NRG1: variants seen among roughly 807,000 people sequenced by gnomAD.
NRG1 encodes the protein neuregulin 1.
Under a neutral mutation model 63.8 loss-of-function variants are expected in NRG1, and 18 were observed. That is an observed-to-expected ratio of 0.28 (90% CI 0.19 to 0.42). The LOEUF (loss-of-function observed/expected upper bound fraction) is 0.42, where lower values mean the gene tolerates loss of function less well. Among genes scored for constraint, NRG1 ranks in the 10% least tolerant of loss-of-function variants. The pLI, the probability that NRG1 is intolerant of heterozygous loss-of-function variation, is 1.00. For missense variants in NRG1, 762 were observed against 814.7 expected (o/e 0.94, Z 0.79); for synonymous variants, 302 against 301.3 (o/e 1.00, Z -0.02).
At chr8:32,276,495 T>C (rs947451881) in intron 1 of NRG1, among the ~76,000 whole-genome samples, 3 of 152,096 alleles carry the variant, frequency 2.0e-5, no homozygotes, top group African/African-American at 7.2e-5. Context: ...ATGAGTGAAG[T>C]GGAAATTTTT....
At chr8:31,774,591 A>T (rs1818938772) in intron 1 of NRG1, among the ~76,000 whole-genome samples, 2 of 152,164 alleles carry the variant, frequency 1.3e-5, no homozygotes, top group African/African-American at 2.4e-5. Context: ...TCGGGATATT[A>T]ATCATTTGTT....
chr8:32,754,411 C>T (rs754614350), exon 8 of NRG1: 2 of 1,613,838 alleles, frequency 1.2e-6, no homozygotes, highest in East Asian at 4.5e-5. Flanking sequence ...CTGACCATAA[C>T]CGGCATCTGC....
intron 1 of NRG1, among the ~76,000 whole-genome samples, chr8:32,092,809 T>G (rs1829375902): frequency 6.6e-6 from 1 of 152,062 alleles, no homozygotes; most frequent in Admixed American, 6.6e-5. Flanking sequence ...CAGTGCACCA[T>G]GCATTGCAAC....
At chr8:32,108,163 G>A (rs985779073) in intron 1 of NRG1, among the ~76,000 whole-genome samples, 3 of 152,068 alleles carry the variant, frequency 2.0e-5, no homozygotes, top group Admixed American at 6.6e-5. Context: ...CCTCATCCCC[G>A]AAACCTGTCA....
intron 1 of NRG1, among the ~76,000 whole-genome samples, chr8:32,096,129 A>G (rs1157563352): frequency 6.6e-6 from 1 of 152,224 alleles, no homozygotes; most frequent in African/African-American, 2.4e-5. Flanking sequence ...GAGGGGTGGT[A>G]GTGAAAGGAG....
At chr8:32,305,438 T>A (rs887592798) in intron 1 of NRG1, among the ~76,000 whole-genome samples, 3 of 152,108 alleles carry the variant, frequency 2.0e-5, no homozygotes, top group Non-Finnish European at 4.4e-5. Context: ...AAAAATACAA[T>A]CTTCACTTTT....
intron 1 of NRG1, among the ~76,000 whole-genome samples, chr8:32,422,645 CAT>C (rs1306853819): frequency 6.6e-6 from 1 of 152,224 alleles, no homozygotes; most frequent in African/African-American, 2.4e-5. Flanking sequence ...CCCAAAGGGT[CAT>C]ATGAGATTAC....
At chr8:32,599,808 TC>T (rs1246349722) in intron 2 of NRG1, among the ~76,000 whole-genome samples, 1 of 152,192 alleles carries the variant, frequency 6.6e-6, no homozygotes, top group Non-Finnish European at 1.5e-5. Context: ...TTTGTATGTT[TC>T]ACACACTTTT....
intron 1 of NRG1, among the ~76,000 whole-genome samples, chr8:31,896,440 C>G (rs972704388): frequency 6.6e-6 from 1 of 152,174 alleles, no homozygotes; most frequent in East Asian, 1.9e-4. Flanking sequence ...TTTCTCACCT[C>G]TAAGCTTGTG....
At chr8:32,710,873 A>G (rs148249816) in intron 5 of NRG1, among the ~76,000 whole-genome samples, 2 of 152,344 alleles carry the variant, frequency 1.3e-5, no homozygotes, top group African/African-American at 2.4e-5. Flanking sequence ...ACTAGATAAT[A>G]TAGACAGAGC....
chr8:31,813,590 T>C (rs930481888), intron 1 of NRG1, among the ~76,000 whole-genome samples: 9 of 148,988 alleles, frequency 6.0e-5, no homozygotes, highest in Admixed American at 4.8e-4. Context: ...GGCACAATCA[T>C]GGCTTACTGC....
chr8:32,539,249 A>C (rs1408628889), intron 1 of NRG1, among the ~76,000 whole-genome samples: 1 of 152,176 alleles, frequency 6.6e-6, no homozygotes, highest in Non-Finnish European at 1.5e-5. Flanking sequence ...TACACGAAGG[A>C]ATGACAAGAT....
At chr8:32,625,936 G>C (rs1165496265) in intron 5 of NRG1, among the ~76,000 whole-genome samples, 1 of 151,954 alleles carries the variant, frequency 6.6e-6, no homozygotes, top group Non-Finnish European at 1.5e-5. Context: ...TGGGATTACA[G>C]GTGCGTGCCA....
chr8:32,371,608 G>A (rs1017120134), intron 1 of NRG1, among the ~76,000 whole-genome samples: 2 of 152,106 alleles, frequency 1.3e-5, no homozygotes, highest in African/African-American at 4.8e-5. Context: ...AGAGATATTA[G>A]TGAGAATTGG....
intron 1 of NRG1, among the ~76,000 whole-genome samples, chr8:31,896,517 C>T (rs888992512): frequency 4.3e-4 from 66 of 152,204 alleles, no homozygotes; most frequent in African/African-American, 1.6e-3. Flanking sequence ...TTACCATTCT[C>T]AATTCTCATC....
At chr8:32,602,410 T>C (rs1440490987) in intron 2 of NRG1, among the ~76,000 whole-genome samples, 1 of 152,112 alleles carries the variant, frequency 6.6e-6, no homozygotes, top group Non-Finnish European at 1.5e-5. Context: ...TGTTTTCTTA[T>C]AGTTCCATCT....
chr8:31,675,710 T>A (rs917620251), intron 1 of NRG1, among the ~76,000 whole-genome samples: 4 of 152,194 alleles, frequency 2.6e-5, no homozygotes, highest in Non-Finnish European at 5.9e-5. Context: ...GTATTATTCC[T>A]AAATGTAGTA....
At chr8:32,635,573 A>G (rs2439272) in intron 5 of NRG1, among the ~76,000 whole-genome samples, 106,769 of 151,912 alleles carry the variant, frequency 0.7, 38,494 homozygotes, top group African/African-American at 0.86. Flanking sequence ...AGTTATTTTT[A>G]TACTCATTCA....
intron 1 of NRG1, among the ~76,000 whole-genome samples, chr8:32,571,896 A>G (rs1222600160): frequency 1.3e-5 from 2 of 150,692 alleles, no homozygotes; most frequent in African/African-American, 4.9e-5. Context: ...AGTTACAAAT[A>G]TACACACATG....
Sources: allele counts gnomAD v4.1 joint callset (sites outside exome capture counted in the v4.1 genomes callset), GRCh38; gene constraint gnomAD v4.1.1; transcripts MANE v1.5; gene names NCBI Gene and HGNC (gene_info 2026-07-23, HGNC 2026-07-21).